Variants in SLC22A25 observed in about 807,000 individuals in gnomAD.
The protein encoded by SLC22A25 is MGI:2442751, MGI:2385316, MGI:3042283, MGI:3645714, MGI:3605624, MGI:2442750.
A neutral mutation model predicts 45.9 loss-of-function variants in SLC22A25; 44 were observed. That is an observed-to-expected ratio of 0.96 (90% confidence interval 0.75 to 1.23). SLC22A25 has a LOEUF of 1.23. Among genes scored for constraint, SLC22A25 ranks in the 50% most tolerant of loss-of-function variants. The probability of loss-of-function intolerance (pLI) is 0.00; values close to 1 mark genes in which losing one functional copy is unlikely to be tolerated. For synonymous variants in SLC22A25, 283 were observed against 238.6 expected, an observed-to-expected ratio of 1.19 and a Z score of -1.72; for missense variants, 800 against 666.4, an observed-to-expected ratio of 1.20 and a Z score of -2.21.
chr11:63,196,051 A>G (rs2089015527), intron 7 of SLC22A25, among the ~76,000 whole-genome samples: 1 of 152,188 alleles, frequency 6.6e-6, no homozygotes, highest in Admixed American at 6.5e-5. Context: ...AGACTAAACC[A>G]CGAAGAAGCT....
chr11:63,242,917 C>T (rs2090273663), intron 1 of SLC22A25, among the ~76,000 whole-genome samples: 2 of 152,190 alleles, frequency 1.3e-5, no homozygotes, highest in Non-Finnish European at 2.9e-5. Flanking sequence ...CCTCTCTTCT[C>T]CTCCACCTTC....
intron 9 of SLC22A25, among the ~76,000 whole-genome samples, chr11:63,178,891 G>A (rs760087167): frequency 3.3e-5 from 5 of 151,834 alleles, no homozygotes; most frequent in Non-Finnish European, 7.4e-5. Flanking sequence ...TTTGCTAATA[G>A]CAATGTCCTA....
chr11:63,197,624 G>A (rs2089091794), intron 7 of SLC22A25, among the ~76,000 whole-genome samples: 4 of 152,290 alleles, frequency 2.6e-5, no homozygotes, highest in Middle Eastern at 6.8e-3. Context: ...AAAAACCCTA[G>A]AAGAAGACCT....
intron 7 of SLC22A25, among the ~76,000 whole-genome samples, chr11:63,209,752 T>C (rs575726139): frequency 2.0e-5 from 3 of 152,322 alleles, no homozygotes; most frequent in Admixed American, 6.5e-5. Context: ...CAGGCCCTCA[T>C]TGATTTGGTG....
intron 5 of SLC22A25, among the ~76,000 whole-genome samples, chr11:63,222,874 T>A (rs924034830): frequency 1.3e-4 from 19 of 151,994 alleles, no homozygotes; most frequent in Non-Finnish European, 2.4e-4. Context: ...TATTCAGTAT[T>A]GAGATGATCA....
Position 63,231,156 on chromosome 11 carries a change from G to A in SLC22A25, c.-444-1060C>T, listed in dbSNP as rs373375431. ...AGCAGCATGATTTATAATCCTTTGGGTATATACTCAGTAATGGGATGGCTG... is the reference window on the plus strand; with the variant it reads ...AGCAGCATGATTTATAATCCTTTGGATATATACTCAGTAATGGGATGGCTG... On this transcript the variant is annotated intron_variant, in intron 3 of 11. Coordinates refer to ENST00000306494, the MANE Select transcript of SLC22A25 (RefSeq NM_199352.6). 1.2e-4 allele frequency among the ~76,000 whole-genome samples: 18 copies of A among 152,154 alleles called. 1 individual carries two copies. The East Asian group carries it at 2.3e-3, about 19-fold the overall frequency.
At chr11:63,194,889 GCAAAAAA>G (rs2088952390) in intron 7 of SLC22A25, among the ~76,000 whole-genome samples, 1 of 14,288 alleles carries the variant, frequency 7.0e-5, no homozygotes, top group Admixed American at 1.0e-3. Flanking sequence ...CAAATGGAAA[GCAAAAAA>G]AAAAAAAAAA....
At chr11:63,236,090 A>C (rs2090157893) in intron 3 of SLC22A25, among the ~76,000 whole-genome samples, 2 of 152,176 alleles carry the variant, frequency 1.3e-5, no homozygotes, top group African/African-American at 4.8e-5. Flanking sequence ...CTTGGTGTTC[A>C]GGGACCCACT....
intron 11 of SLC22A25, among the ~76,000 whole-genome samples, 170 bp from the exon 12 acceptor site, chr11:63,164,243 A>T (rs758870813): frequency 1.3e-5 from 2 of 152,206 alleles, no homozygotes; most frequent in African/African-American, 4.8e-5. Flanking sequence ...TAGATTCACA[A>T]GTGAATTAGA....
chr11:63,227,459 A>G (rs1216375729), intron 5 of SLC22A25, among the ~76,000 whole-genome samples: 3 of 151,998 alleles, frequency 2.0e-5, no homozygotes, highest in African/African-American at 7.2e-5. Context: ...AGGTCCTCAA[A>G]TGAAGGGATC....
intron 5 of SLC22A25, among the ~76,000 whole-genome samples, chr11:63,224,472 T>G (rs1450673382): frequency 3.3e-5 from 5 of 152,144 alleles, no homozygotes; most frequent in African/African-American, 1.2e-4. Flanking sequence ...CATTGTGTTA[T>G]TTATTTTCTG....
intron 7 of SLC22A25, among the ~76,000 whole-genome samples, chr11:63,189,490 C>A (rs2088708629): frequency 6.6e-6 from 1 of 152,164 alleles, no homozygotes; most frequent in Non-Finnish European, 1.5e-5. Context: ...GGTCTTGACT[C>A]TTTAAACAAT....
chr11:63,226,531 A>G (rs1440333765), intron 5 of SLC22A25, among the ~76,000 whole-genome samples: 1 of 152,166 alleles, frequency 6.6e-6, no homozygotes, highest in Non-Finnish European at 1.5e-5. Context: ...GCTTGTAGCT[A>G]GTGATGGGAT....
rs746391850 is a variant in SLC22A25, at chr11:63,166,080, C to A, written c.1249G>T (p.Ala417Ser). The A allele has an allele frequency of 1.2e-6, 2 of 1,613,950 alleles. No homozygotes were observed. Among genetic ancestry groups the A allele is most frequent in the Admixed American group, 3.3e-5 (2 of 60,010 alleles). The change falls in exon 10 of 12, where the codon GCA becomes TCA. Residue 417 changes from alanine to serine, a missense_variant. Physicochemically the swap from Ala to Ser is moderately conservative, Grantham distance 99. Coordinates refer to ENST00000306494, the MANE Select transcript of SLC22A25 (RefSeq NM_199352.6). ...AATATGATGGCCAGAAGGCAGGTTG[C>A]CAGTAGGAACATGAGAAGCATCTGG... ...LSQMLLMFLL[A>S]TCLLAIIFVP...
chr11:63,232,273 T>A (rs2090083286), intron 3 of SLC22A25, among the ~76,000 whole-genome samples: 1 of 152,196 alleles, frequency 6.6e-6, no homozygotes, highest in African/African-American at 2.4e-5. Context: ...GAGCATGGAA[T>A]GTTCTTCCAT....
chr11:63,202,255 T>TTTTTTTTAATACCCCAGTGGTA (rs2089269095), intron 7 of SLC22A25, among the ~76,000 whole-genome samples: 1 of 152,030 alleles, frequency 6.6e-6, no homozygotes, highest in African/African-American at 2.4e-5. Flanking sequence ...CAGGAGTTTT[T>TTTTTTTTAATACCCCAGTGGTA]TTTTTTTTAA....
Position 63,167,992 on chromosome 11 carries a change from C to T in SLC22A25, c.1071-1734G>A, listed in dbSNP as rs574693254. ...GGAGCAGGCAGGAATCTTTGCTGTTCTGCAACCTCCGCTGGTGATACCCAA... is the reference window on the plus strand; with the variant it reads ...GGAGCAGGCAGGAATCTTTGCTGTTTTGCAACCTCCGCTGGTGATACCCAA... On this transcript the variant is annotated intron_variant, in intron 9 of 11. Coordinates refer to ENST00000306494, the MANE Select transcript of SLC22A25 (RefSeq NM_199352.6). 17 of 379,232 alleles carry T rather than the reference C, an allele frequency of 4.5e-5. No individual in the cohort carries two copies. In the Admixed American group the frequency reaches 4.6e-4, roughly 10 times the overall value. The allele number at this position is 379,232 out of a possible 1,614,324, so 23.5% of individuals were successfully genotyped here.
rs894715080 is a variant in SLC22A25, at chr11:63,217,688, A to G, written c.554T>C (p.Ile185Thr). ...AGCAAAGGCCGCACAGGTGCCTACA[A>G]TGGCGAGCTGGAGGTAAGACCATCT... Reference protein sequence around the residue: ...VLRWSYLQLAIVGTCAAFAPT... With the variant: ...VLRWSYLQLATVGTCAAFAPT... Residue 185 changes from isoleucine to threonine, a missense_variant, in exon 6 of 12, where the codon ATT becomes ACT. Ile to Thr is a moderately conservative substitution (Grantham distance 89, BLOSUM62 -1). Coordinates refer to ENST00000306494, the MANE Select transcript of SLC22A25 (RefSeq NM_199352.6). 9 of 1,613,886 alleles carry G rather than the reference A, an allele frequency of 5.6e-6. No individual in the cohort carries two copies. Among genetic ancestry groups the G allele is most frequent in the Non-Finnish European group, 7.6e-6 (9 of 1,179,958 alleles).
chr11:63,201,129 C>T (rs2089229706), intron 7 of SLC22A25, among the ~76,000 whole-genome samples: 2 of 152,154 alleles, frequency 1.3e-5, no homozygotes, highest in Admixed American at 1.3e-4. Flanking sequence ...CACTGAGATT[C>T]TTCACAGAGC....
Sources: allele counts gnomAD v4.1 joint callset (sites outside exome capture counted in the v4.1 genomes callset), GRCh38; gene constraint gnomAD v4.1.1; transcripts MANE v1.5; gene names NCBI Gene and HGNC (gene_info 2026-07-23, HGNC 2026-07-21).